The following PIP5K1C variants were observed in gnomAD, a reference collection of about 807,000 sequenced individuals.
The protein encoded by PIP5K1C is phosphatidylinositol 4-phosphate 5-kinase type-1 gamma.
In PIP5K1C, 45 loss-of-function variants were observed where a neutral mutation model predicts 80.1. The ratio of observed to expected loss-of-function variants is 0.56; its 90% CI spans 0.44 to 0.72. The LOEUF (loss-of-function observed/expected upper bound fraction) is 0.72, where lower values mean the gene tolerates loss of function less well. PIP5K1C is among the 30% of genes least tolerant of loss of function. The pLI is 0.00. For synonymous variants in PIP5K1C, 498 were observed against 420.1 expected (o/e 1.19, Z -2.27); for missense variants, 753 against 954.6 (o/e 0.79, Z 2.78).
In PIP5K1C at chr19:3,669,162, G is replaced by A. The variant is rs542524381; in HGVS notation, c.95-1809C>T. ...GGGCTGGCTGAGGTCTGGCAGCTGG[G>A]GGTGCTGGGGCAGGCCCTCAAAGGG... On this transcript the variant is annotated intron_variant, in intron 1 of 17. Transcript: ENST00000335312. 3.4e-3 allele frequency among the ~76,000 whole-genome samples: 517 copies of A among 152,320 alleles called. 2 individuals carry two copies. Among genetic ancestry groups the A allele is most frequent in the Non-Finnish European group, 6.3e-3 (426 of 68,022 alleles).
At chr19:3,651,676 C>T (rs560859136) in intron 8 of PIP5K1C, 150 bp downstream of exon 8, 116 of 799,140 alleles carry the variant, frequency 1.5e-4, no homozygotes, top group Admixed American at 1.2e-3. Flanking sequence ...CGCTCTGAGG[C>T]GCTGGCACAA....
In PIP5K1C at chr19:3,653,219, TG is replaced by T. The variant is rs937939096; in HGVS notation, c.921+70del. On this transcript the variant is annotated intron_variant, in intron 7 of 17. Coordinates refer to ENST00000335312, the MANE Select transcript of PIP5K1C (RefSeq NM_012398.3). ...GCCTGGCACCCTCCCTGGCCCTGCCTGCCCAGGCCGAGCCCTCACCACGCAG... is the reference window on the plus strand; with the variant it reads ...GCCTGGCACCCTCCCTGGCCCTGCCTCCCAGGCCGAGCCCTCACCACGCAG... 6.1e-6 allele frequency: 9 copies of T among 1,475,162 alleles called. No individual in the cohort carries two copies. In the Admixed American group the frequency reaches 1.4e-4, roughly 22 times the overall value. 91.4% of individuals were successfully genotyped at this position (1,475,162 alleles called of 1,614,324 possible).
chr19:3,657,183 T>C (rs963420521), intron 5 of PIP5K1C, among the ~76,000 whole-genome samples: 2 of 152,150 alleles, frequency 1.3e-5, no homozygotes, highest in Non-Finnish European at 2.9e-5. Flanking sequence ...TGCCCCTTTT[T>C]CTCAGCCCCT....
chr19:3,670,272 C>T (rs2035163510), intron 1 of PIP5K1C, among the ~76,000 whole-genome samples: 1 of 152,210 alleles, frequency 6.6e-6, no homozygotes, highest in African/African-American at 2.4e-5. Context: ...CCTCAGCCTG[C>T]AACCGTATTT....
At chr19:3,649,949 G>T in intron 8 of PIP5K1C, 1 of 249,764 alleles carries the variant, frequency 4.0e-6, no homozygotes, top group Non-Finnish European at 7.9e-6. Context: ...GACCCGCTGG[G>T]CTGGCGCCCT....
rs944362495 is a variant in PIP5K1C, at chr19:3,637,745, A to G, written c.1920+1139T>C. The G allele has an allele frequency of 1.3e-6, 2 of 1,526,996 alleles. No individual in the cohort carries two copies. Among genetic ancestry groups the G allele is most frequent in the Non-Finnish European group, 1.7e-6 (2 of 1,142,916 alleles). The allele number at this position is 1,526,996 out of a possible 1,614,324, so 94.6% of individuals were successfully genotyped here. On this transcript the variant is annotated intron_variant, in intron 16 of 17. Transcript: ENST00000335312. This position sits in a 1 kb window ranked among gnomAD's most constrained non-coding sequence, Gnocchi z 7.0. ...GAGCAGGTGGGGACAGCTGACTGCC[A>G]AGCAGAAGGTGGGGGGTGCCGGGGC... is the stretch of plus-strand genomic sequence containing the variant.
rs2035837314 is a variant in PIP5K1C, at chr19:3,688,347, G to A, written c.94+11950C>T. Among the ~76,000 whole-genome samples the A allele has an allele frequency of 6.6e-6, 1 of 152,124 alleles. No homozygotes were observed. The highest frequency in any genetic ancestry group is 2.4e-5 in the African/African-American group (1 of 41,450). On this transcript the variant is annotated intron_variant, in intron 1 of 17. Coordinates refer to ENST00000335312, the MANE Select transcript of PIP5K1C (RefSeq NM_012398.3). The surrounding 1 kb of genome is among the most constrained non-coding windows in gnomAD (Gnocchi z 5.3). ...GGAAACAGAGCGGGGTGCCGCAGGG[G>A]AGCCCGCAGGAGCTCCTGTTCCTCA... is the stretch of plus-strand genomic sequence containing the variant.
chr19:3,657,037 C>T (rs1310860582), intron 5 of PIP5K1C, among the ~76,000 whole-genome samples: 3 of 152,194 alleles, frequency 2.0e-5, no homozygotes, highest in Non-Finnish European at 4.4e-5. Context: ...TCCTGAGATG[C>T]TGATGTGATG....
chr19:3,675,111 C>T (rs1454599231), intron 1 of PIP5K1C, among the ~76,000 whole-genome samples: 5 of 152,092 alleles, frequency 3.3e-5, no homozygotes, highest in Non-Finnish European at 5.9e-5. Flanking sequence ...GAGTGACAGC[C>T]GCCAGGCGCA....
In PIP5K1C at chr19:3,632,370, C is replaced by T. The variant is rs2033495111; in HGVS notation, c.*797G>A. On this transcript the variant is annotated 3_prime_UTR_variant, in exon 18 of 18. Transcript: ENST00000335312. The stretch of plus-strand genomic sequence containing the variant: ...CCCTCCATGCCAGTTGCTGAGTGGC[C>T]TACGTTGGAAGAGAAGGACAAGTCC... 6.6e-6 allele frequency: 1 copy of T among 152,398 alleles called. No individual in the cohort carries two copies. The highest frequency in any genetic ancestry group is 2.4e-5 in the African/African-American group (1 of 41,476). The allele number at this position is 152,398 out of a possible 1,614,324, so 9.4% of individuals were successfully genotyped here.
At chr19:3,635,502 G>A (rs2033645781) in intron 16 of PIP5K1C, among the ~76,000 whole-genome samples, 1 of 152,182 alleles carries the variant, frequency 6.6e-6, no homozygotes, top group Non-Finnish European at 1.5e-5. Context: ...GGCCAACATG[G>A]TAAAACCCCA....
At chr19:3,698,130 C>G (rs1469973492) in intron 1 of PIP5K1C, among the ~76,000 whole-genome samples, 1 of 152,258 alleles carries the variant, frequency 6.6e-6, no homozygotes, top group East Asian at 1.9e-4. Flanking sequence ...GCCATCGCTT[C>G]TAACAGTGAG....
In PIP5K1C at chr19:3,661,873, G is replaced by A. The variant is rs1337070441; in HGVS notation, c.348C>T (p.Pro116=). ...GAGGCTCCGGGGGCCCGGCCCACCT[G>A]GGGAAGAAGATGCTCTCCACCACGT... The part of the protein sequence containing the change: ...DFYVVESIFF[P]SEGSNLTPAH... The change falls in exon 4 of 18, where the codon CCC becomes CCT. Residue 116 remains proline, a splice_region_variant and synonymous_variant. Transcript: ENST00000335312. The A allele has an allele frequency of 6.2e-7, 1 of 1,611,944 alleles. No homozygotes were observed. The highest frequency in any genetic ancestry group is 1.3e-5 in the African/African-American group (1 of 75,064).
chr19:3,687,458 C>T (rs1419822711), intron 1 of PIP5K1C, among the ~76,000 whole-genome samples: 5 of 151,994 alleles, frequency 3.3e-5, no homozygotes, highest in Non-Finnish European at 5.9e-5. Context: ...GTGCAGGGAG[C>T]GGTGAGGGCC....
In PIP5K1C at chr19:3,674,847, C is replaced by G. The variant is rs79440459; in HGVS notation, c.95-7494G>C. On this transcript the variant is annotated intron_variant, in intron 1 of 17. Coordinates refer to ENST00000335312, the MANE Select transcript of PIP5K1C (RefSeq NM_012398.3). ...CAGGAGGAGTTACAGTTTTTAATTC[C>G]TTTGTCTTACTTGGACTTCTTACAT... Among the ~76,000 whole-genome samples, 626 of 152,266 alleles carry G rather than the reference C, an allele frequency of 4.1e-3. 5 individuals are homozygous for G. The highest frequency in any genetic ancestry group is 0.013 in the African/African-American group (555 of 41,544).
intron 1 of PIP5K1C, among the ~76,000 whole-genome samples, chr19:3,684,598 C>A (rs926883445): frequency 6.6e-6 from 1 of 152,232 alleles, no homozygotes; most frequent in East Asian, 1.9e-4. Context: ...GCAGCAGAAC[C>A]GACCTGCTGA....
chr19:3,637,972 G>A lies in PIP5K1C; in HGVS notation c.1920+912C>T. On this transcript the variant is annotated intron_variant, in intron 16 of 17. Coordinates refer to ENST00000335312, the MANE Select transcript of PIP5K1C (RefSeq NM_012398.3). The surrounding 1 kb of genome is among the most constrained non-coding windows in gnomAD (Gnocchi z 7.0). ...CGCGGCCCGTCCCTCCCTTCTCCAGGGCCAGGTGGGTGCATGGGGACCCCA... is the reference window on the plus strand; with the variant it reads ...CGCGGCCCGTCCCTCCCTTCTCCAGAGCCAGGTGGGTGCATGGGGACCCCA... The A allele has an allele frequency of 6.5e-7, 1 of 1,531,834 alleles. No individual in the cohort carries two copies. Among genetic ancestry groups the A allele is most frequent in the Non-Finnish European group, 8.7e-7 (1 of 1,145,060 alleles). 94.9% of individuals were successfully genotyped at this position (1,531,834 alleles called of 1,614,324 possible).
chr19:3,699,774 G>A (rs566166715), intron 1 of PIP5K1C, among the ~76,000 whole-genome samples: 58 of 152,258 alleles, frequency 3.8e-4, no homozygotes, highest in African/African-American at 1.4e-3. Context: ...AGGAAAAGGG[G>A]GCGACAGGGC....
At chr19:3,699,033 A>G (rs922393073) in intron 1 of PIP5K1C, among the ~76,000 whole-genome samples, 62 of 150,814 alleles carry the variant, frequency 4.1e-4, no homozygotes, top group Non-Finnish European at 3.2e-4. Flanking sequence ...AGAGCCCCTG[A>G]TAAGATGAAT....
Sources: gnomAD v4.1 joint callset for allele counts (sites outside exome capture counted in the v4.1 genomes callset) on GRCh38, gnomAD v4.1.1 for gene constraint, Gnocchi (gnomAD v3.1) non-coding constraint, MANE v1.5 for transcripts, NCBI Gene and HGNC (gene_info 2026-07-23, HGNC 2026-07-21) for gene names.